PTPRT: variants seen among roughly 807,000 people sequenced by gnomAD.
The protein encoded by PTPRT is protein tyrosine phosphatase receptor type T.
A neutral mutation model predicts 176.8 loss-of-function variants in PTPRT; 56 were observed. The ratio of observed to expected loss-of-function variants is 0.32; its 90% CI spans 0.26 to 0.40. The LOEUF (loss-of-function observed/expected upper bound fraction) is 0.40. Among genes scored for constraint, PTPRT ranks in the 10% least tolerant of loss-of-function variants. The pLI, the probability that PTPRT is intolerant of heterozygous loss-of-function variation, is 1.00. For missense variants in PTPRT, 1,540 were observed against 1,908.2 expected, an observed-to-expected ratio of 0.81 and a Z score of 3.60; for synonymous variants, 783 against 739.0, an observed-to-expected ratio of 1.06 and a Z score of -0.96.
At chr20:42,085,939 TTTTTTTCTTTTTC>T (rs1983854973) in intron 27 of PTPRT, 86 bp from the exon 28 acceptor site, 17 of 1,413,876 alleles carry the variant, frequency 1.2e-5, no homozygotes, top group East Asian at 2.4e-5. Flanking sequence ...TTTTCTTTTC[TTTTTTTCTTTTTC>T]TTTTTTTTTT....
intron 1 of PTPRT, among the ~76,000 whole-genome samples, chr20:43,029,412 T>C (rs6016939): frequency 0.025 from 3,844 of 152,312 alleles, 174 homozygotes; most frequent in African/African-American, 0.088. Flanking sequence ...GCAGAGAATA[T>C]GGCATCACGC....
intron 1 of PTPRT, among the ~76,000 whole-genome samples, chr20:42,898,001 A>C (rs565707993): frequency 1.3e-5 from 2 of 152,346 alleles, no homozygotes; most frequent in East Asian, 3.9e-4. Context: ...AACAAACAAA[A>C]TGTTTTAAAG....
intron 6 of PTPRT, among the ~76,000 whole-genome samples, chr20:42,697,582 C>T (rs1409389924): frequency 2.6e-5 from 4 of 152,200 alleles, no homozygotes; most frequent in Admixed American, 1.3e-4. Flanking sequence ...TGGGTCTTCA[C>T]ACACACAGCA....
At chr20:42,331,051 T>C (rs73265763) in intron 11 of PTPRT, among the ~76,000 whole-genome samples, 1,995 of 152,316 alleles carry the variant, frequency 0.013, 35 homozygotes, top group African/African-American at 0.046. Flanking sequence ...TTTTCTAATA[T>C]ACATTCTGAA....
intron 12 of PTPRT, among the ~76,000 whole-genome samples, chr20:42,312,802 CTTTTTTTTTTTTT>C (rs11482597): frequency 8.9e-6 from 1 of 112,372 alleles, no homozygotes; most frequent in African/African-American, 3.4e-5. Context: ...GAGTGAGATC[CTTTTTTTTTTTTT>C]TTTTTTTTTC....
At chr20:42,184,567 C>A (rs1271352779) in intron 16 of PTPRT, among the ~76,000 whole-genome samples, 3 of 132,632 alleles carry the variant, frequency 2.3e-5, no homozygotes, top group Admixed American at 1.6e-4. Flanking sequence ...TCTTATTCTT[C>A]TTCTTCTTCT....
chr20:42,371,798 C>G (rs973503272), intron 9 of PTPRT, among the ~76,000 whole-genome samples: 3 of 152,180 alleles, frequency 2.0e-5, no homozygotes, highest in Admixed American at 6.5e-5. Context: ...TCAGTCCTTT[C>G]ATCAAGGGGG....
intron 1 of PTPRT, among the ~76,000 whole-genome samples, chr20:43,072,574 T>C (rs2011195386): frequency 6.6e-6 from 1 of 152,188 alleles, no homozygotes; most frequent in Admixed American, 6.5e-5. Context: ...AAAAAACTCA[T>C]TTCCAACCCA....
At chr20:42,831,925 G>C (rs139691705) in intron 2 of PTPRT, among the ~76,000 whole-genome samples, 2 of 152,178 alleles carry the variant, frequency 1.3e-5, no homozygotes, top group African/African-American at 4.8e-5. Context: ...GCACACCGTC[G>C]GTGAGAGTGT....
At chr20:42,986,514 C>T (rs528120882) in intron 1 of PTPRT, among the ~76,000 whole-genome samples, 77 of 152,196 alleles carry the variant, frequency 5.1e-4, no homozygotes, top group Non-Finnish European at 9.1e-4. Context: ...TAGTACAGCT[C>T]GAGAGACAGT....
chr20:42,348,325 A>T (rs1047047277), intron 11 of PTPRT, among the ~76,000 whole-genome samples: 1 of 152,136 alleles, frequency 6.6e-6, no homozygotes, highest in African/African-American at 2.4e-5. Context: ...AAGCAGCCAG[A>T]CATTTCCAGA....
At chr20:42,900,001 T>C (rs2079374099) in intron 1 of PTPRT, among the ~76,000 whole-genome samples, 1 of 152,204 alleles carries the variant, frequency 6.6e-6, no homozygotes, top group African/African-American at 2.4e-5. Context: ...AAGAGCCCCA[T>C]GAGTTAGGTA....
At chr20:42,352,422 G>C in intron 9 of PTPRT, 137 bp from the exon 10 acceptor site, 1 of 761,156 alleles carries the variant, frequency 1.3e-6, no homozygotes, top group Non-Finnish European at 2.1e-6. Context: ...CTGCTAAGCT[G>C]CCTGTTGCTG....
chr20:42,513,271 C>A (rs144811419), intron 7 of PTPRT, among the ~76,000 whole-genome samples: 65 of 151,186 alleles, frequency 4.3e-4, no homozygotes, highest in African/African-American at 1.3e-3. Context: ...GGCCAATTAC[C>A]CCCCTAGCTT....
At chr20:42,925,315 A>G (rs1470953271) in intron 1 of PTPRT, among the ~76,000 whole-genome samples, 1 of 152,200 alleles carries the variant, frequency 6.6e-6, no homozygotes, top group Non-Finnish European at 1.5e-5. Context: ...CTATAAACAC[A>G]TAATGAGGCT....
intron 8 of PTPRT, among the ~76,000 whole-genome samples, chr20:42,469,228 G>C (rs902698332): frequency 6.6e-6 from 1 of 152,088 alleles, no homozygotes; most frequent in Non-Finnish European, 1.5e-5. Context: ...GTTTGAGACA[G>C]AGTCTCGCTC....
rs756141972 is a variant in PTPRT at position 42,199,364 on chromosome 20, C to T, written c.2367G>A (p.Glu789=). Residue 789 remains glutamate (E), a synonymous_variant, in exon 16 of 31, where the codon GAG becomes GAA. Transcript: ENST00000373187. ...YYLKLAKKQK[E]TQSGAQREMG... ...TCTCCCTCTGGGCTCCACTCTGGGT[C>T]TCCTTCTGCTTCTTGGCCAGCTTCC... is the stretch of plus-strand genomic sequence containing the variant. 1 of 1,613,924 alleles carries T rather than the reference C, an allele frequency of 6.2e-7. No homozygotes were observed. Among genetic ancestry groups the T allele is most frequent in the South Asian group, 1.1e-5 (1 of 90,992 alleles).
intron 1 of PTPRT, among the ~76,000 whole-genome samples, chr20:42,911,976 CTTT>C (rs11475084): frequency 1.6e-5 from 2 of 124,310 alleles, no homozygotes; most frequent in Non-Finnish European, 1.7e-5. Flanking sequence ...ATCCTCTTTT[CTTT>C]TTTTTTTTTT....
chr20:42,276,527 A>AATGT, intron 13 of PTPRT, among the ~76,000 whole-genome samples: 1 of 43,760 alleles, frequency 2.3e-5, no homozygotes, highest in African/African-American at 7.6e-5. Flanking sequence ...ATATATATAT[A>AATGT]TATATATATA....
Sources: allele counts gnomAD v4.1 joint callset (sites outside exome capture counted in the v4.1 genomes callset), GRCh38; gene constraint gnomAD v4.1.1; transcripts MANE v1.5; gene names NCBI Gene and HGNC (gene_info 2026-07-23, HGNC 2026-07-21).